DENND5B: variants seen among roughly 807,000 people sequenced by gnomAD.
DENND5B encodes DENN domain-containing protein 5B.
Under a neutral mutation model 140.6 loss-of-function variants are expected in DENND5B, and 34 were observed. That is an observed-to-expected ratio of 0.24 (90% CI 0.18 to 0.32). The LOEUF (loss-of-function observed/expected upper bound fraction) is 0.32, where lower values mean the gene tolerates loss of function less well. Among genes scored for constraint, DENND5B ranks in the 10% least tolerant of loss-of-function variants. The probability of loss-of-function intolerance (pLI) is 1.00; values close to 1 mark genes in which losing one functional copy is unlikely to be tolerated. For missense variants in DENND5B, 1,142 were observed against 1,560.2 expected, an observed-to-expected ratio of 0.73 and a Z score of 4.52; for synonymous variants, 551 against 562.1, an observed-to-expected ratio of 0.98 and a Z score of 0.28.
intron 1 of DENND5B, among the ~76,000 whole-genome samples, chr12:31,572,119 G>A (rs1949845342): frequency 6.6e-6 from 1 of 152,008 alleles, no homozygotes; most frequent in East Asian, 1.9e-4. Flanking sequence ...AGCTACTTGG[G>A]AGGCTGAAGC....
chr12:31,583,090 T>C (rs1449804131), intron 1 of DENND5B, among the ~76,000 whole-genome samples: 1 of 151,976 alleles, frequency 6.6e-6, no homozygotes, highest in Non-Finnish European at 1.5e-5. Context: ...TCAGGAGTTT[T>C]AGATAAGCGT....
At position 31,392,328 on chromosome 12, in the gene DENND5B, G is replaced by A. The variant is rs756482628; in HGVS notation, c.3405C>T (p.Phe1135=). 6.2e-7 allele frequency: 1 copy of A among 1,613,754 alleles called. No homozygotes were observed. Among genetic ancestry groups the A allele is most frequent in the Admixed American group, 1.7e-5 (1 of 59,976 alleles). ...TGCGGGCAGATTTGAACCCATGGTG[G>A]AAAACTTGCTCAAGGGCTGCAACCA... The part of the protein sequence containing the change: ...NGLVAALEQV[F]HHGFKSARIF... The change falls in exon 19 of 21, where the codon TTC becomes TTT. Residue 1135 remains phenylalanine (F), a synonymous_variant. Transcript: ENST00000389082.
At chr12:31,405,373 C>T (rs535560281) in intron 14 of DENND5B, among the ~76,000 whole-genome samples, 5 of 152,058 alleles carry the variant, frequency 3.3e-5, no homozygotes, top group Admixed American at 1.3e-4. Flanking sequence ...TGCACCACTA[C>T]GCCCAGCTAT....
intron 1 of DENND5B, among the ~76,000 whole-genome samples, chr12:31,531,220 G>A (rs1169886313): frequency 6.6e-6 from 1 of 150,430 alleles, no homozygotes; most frequent in African/African-American, 2.4e-5. Context: ...TTTACTTTGA[G>A]ACGGAGTCTC....
intron 11 of DENND5B, among the ~76,000 whole-genome samples, chr12:31,417,900 T>G (rs1267076374): frequency 6.6e-6 from 1 of 152,234 alleles, no homozygotes; most frequent in East Asian, 1.9e-4. Context: ...AGGTTTTAGA[T>G]TCATTCTACT....
chr12:31,480,323 TG>T (rs1387726661), intron 2 of DENND5B, 68 bp from the exon 3 acceptor site: 8 of 1,320,984 alleles, frequency 6.1e-6, no homozygotes, highest in Non-Finnish European at 7.7e-6. Flanking sequence ...AAATAAATGT[TG>T]TTTTTTTAAC....
At chr12:31,468,230 G>A (rs1945369725) in intron 3 of DENND5B, among the ~76,000 whole-genome samples, 2 of 152,006 alleles carry the variant, frequency 1.3e-5, no homozygotes, top group Admixed American at 1.3e-4. Flanking sequence ...TTCCAGTCTG[G>A]GCAACAGAGC....
chr12:31,460,481 T>G, intron 3 of DENND5B, 100 bp from the exon 4 acceptor site: 1 of 1,133,082 alleles, frequency 8.8e-7, no homozygotes. Flanking sequence ...AATTTCTGCG[T>G]TAAAAGTAAA....
At chr12:31,586,751 TG>T (rs1272756187) in intron 1 of DENND5B, among the ~76,000 whole-genome samples, 1 of 152,190 alleles carries the variant, frequency 6.6e-6, no homozygotes, top group African/African-American at 2.4e-5. Context: ...ATGAAGCAAC[TG>T]GTAGAATTTA....
At chr12:31,448,048 G>A (rs569987288) in intron 5 of DENND5B, among the ~76,000 whole-genome samples, 1 of 150,322 alleles carries the variant, frequency 6.7e-6, no homozygotes, top group Non-Finnish European at 1.5e-5. Context: ...AACGAAAGAT[G>A]GCAGATAAGT....
At chr12:31,430,196 T>C (rs1943445341) in intron 8 of DENND5B, among the ~76,000 whole-genome samples, 1 of 150,812 alleles carries the variant, frequency 6.6e-6, no homozygotes, top group Non-Finnish European at 1.5e-5. Context: ...CTAGTTTTTG[T>C]ATTTTTAGCA....
At chr12:31,546,078 G>A (rs1948849819) in intron 1 of DENND5B, among the ~76,000 whole-genome samples, 1 of 151,204 alleles carries the variant, frequency 6.6e-6, no homozygotes, top group Non-Finnish European at 1.5e-5. Context: ...GTACTTTCAA[G>A]TTATTTTTTC....
chr12:31,414,367 A>G (rs1942615011), intron 12 of DENND5B, among the ~76,000 whole-genome samples: 2 of 152,188 alleles, frequency 1.3e-5, no homozygotes, highest in South Asian at 2.1e-4. Context: ...AGTAATTCCA[A>G]GTGATGATTC....
intron 15 of DENND5B, among the ~76,000 whole-genome samples, chr12:31,402,063 T>G (rs1192253657): frequency 8.8e-6 from 1 of 113,296 alleles, no homozygotes. Context: ...AGAGCAAGAT[T>G]CCGTCTCAAA....
At chr12:31,456,655 A>G (rs1944792334) in intron 4 of DENND5B, among the ~76,000 whole-genome samples, 1 of 152,220 alleles carries the variant, frequency 6.6e-6, no homozygotes, top group Admixed American at 6.5e-5. Flanking sequence ...GGAACCCTAA[A>G]ACTGTAGGCC....
At chr12:31,390,572 G>A (rs1487697972) in intron 19 of DENND5B, among the ~76,000 whole-genome samples, 1 of 152,084 alleles carries the variant, frequency 6.6e-6, no homozygotes, top group Admixed American at 6.6e-5. Context: ...GGAGGCAGAG[G>A]CTGCGGTGAC....
chr12:31,547,842 T>C (rs1190066270), intron 1 of DENND5B, among the ~76,000 whole-genome samples: 1 of 151,962 alleles, frequency 6.6e-6, no homozygotes, highest in Non-Finnish European at 1.5e-5. Flanking sequence ...GTAGCTGGGA[T>C]TACAGGCACC....
chr12:31,387,428 A>G lies in DENND5B; in HGVS notation c.*175T>C. 1.8e-6 allele frequency: 1 copy of G among 563,748 alleles called. No individual in the cohort carries two copies. 34.9% of individuals were successfully genotyped at this position (563,748 alleles called of 1,614,324 possible). A position where few individuals can be genotyped will look rare whatever the true frequency, so the allele number is the denominator to read the frequency against. ...AATACTCTATTTTATACTAAATTCCAGGTTCAAATGAACTACAATACAACA... is the reference window on the plus strand; with the variant it reads ...AATACTCTATTTTATACTAAATTCCGGGTTCAAATGAACTACAATACAACA... On this transcript the variant is annotated 3_prime_UTR_variant, in exon 21 of 21. Transcript: ENST00000389082.
intron 1 of DENND5B, among the ~76,000 whole-genome samples, chr12:31,521,077 C>T (rs1377660757): frequency 6.6e-6 from 1 of 151,626 alleles, no homozygotes; most frequent in Admixed American, 6.6e-5. Context: ...TATCAAGCAG[C>T]ACAGCCTTAG....
Sources: allele counts gnomAD v4.1 joint callset (sites outside exome capture counted in the v4.1 genomes callset), GRCh38; gene constraint gnomAD v4.1.1; transcripts MANE v1.5; gene names NCBI Gene and HGNC (gene_info 2026-07-23, HGNC 2026-07-21).